The following AKAP7 variants were observed in gnomAD, a reference collection of about 807,000 sequenced individuals.
AKAP7 encodes A kinase (PRKA) anchor protein 7.
AKAP7 carries 39 observed loss-of-function variants against 39.5 expected under a neutral mutation model. That is an observed-to-expected ratio of 0.99 (90% confidence interval 0.76 to 1.29). The LOEUF (loss-of-function observed/expected upper bound fraction) is 1.29, where lower values mean the gene tolerates loss of function less well. AKAP7 is among the 50% of genes most tolerant of loss of function. The pLI is 0.00. For missense variants in AKAP7, 414 were observed against 407.7 expected, an observed-to-expected ratio of 1.02 and a Z score of -0.13; for synonymous variants, 140 against 139.1, an observed-to-expected ratio of 1.01 and a Z score of -0.05.
rs749601887 is a variant in AKAP7 at position 131,241,577 on chromosome 6, A to ATGTGTGTGTG, written c.850+21811_850+21820dup. ...GAGGTCCAGGACATAGATTATATATATGTGTGTGTGTGTGTGTGTGTGTGT... is the reference window on the plus strand; with the variant it reads ...GAGGTCCAGGACATAGATTATATATATGTGTGTGTGTGTGTGTGTGTGTGTGTGTGTGTGT... On this transcript the variant is annotated intron_variant, in intron 7 of 7. Transcript: ENST00000431975. 3.1e-3 allele frequency among the ~76,000 whole-genome samples: 251 copies of ATGTGTGTGTG among 81,262 alleles called. 2 individuals carry two copies. The highest frequency in any genetic ancestry group is 5.3e-3 in the Middle Eastern group (1 of 188). The allele number at this position is 81,262 out of a possible 152,430, so 53.3% of individuals were successfully genotyped here.
chr6:131,236,819 G>A (rs1021715541), intron 7 of AKAP7, among the ~76,000 whole-genome samples: 4 of 152,104 alleles, frequency 2.6e-5, no homozygotes, highest in African/African-American at 4.8e-5. Context: ...AGACGATGGC[G>A]TTTTCTAGAT....
At chr6:131,126,594 T>C in the AKAP7 span, among the ~76,000 whole-genome samples, 30,282 of 152,146 alleles carry the variant, frequency 0.2, 3,512 homozygotes, top group Non-Finnish European at 0.26. Flanking sequence ...AACTCCTGCA[T>C]ACTAGACTTT....
In AKAP7 at chr6:131,281,476, A is replaced by G. The variant is rs533526787; in HGVS notation, c.851-54A>G. ...GGAACTAGCCGGCCCCTGCATGCCA[A>G]GTTTCTATGGCAATGTGATCTCAGT... On this transcript the variant is annotated intron_variant, in intron 7 of 7. Coordinates refer to ENST00000431975, the MANE Select transcript of AKAP7 (RefSeq NM_016377.4). This position sits in a 1 kb window ranked among gnomAD's most constrained non-coding sequence, Gnocchi z 4.0. 30 of 1,423,392 alleles carry G rather than the reference A, an allele frequency of 2.1e-5. No homozygotes were observed. Among genetic ancestry groups the G allele is most frequent in the Non-Finnish European group, 2.6e-5 (28 of 1,062,470 alleles). The allele number at this position is 1,423,392 out of a possible 1,614,324, so 88.2% of individuals were successfully genotyped here.
chr6:131,141,014 G>T (rs78243378), intron 1 of AKAP7, among the ~76,000 whole-genome samples: 9,841 of 152,216 alleles, frequency 0.065, 451 homozygotes, highest in Middle Eastern at 0.15. Context: ...AATTTGAACT[G>T]TAATATAAAT....
At chr6:131,130,294 G>A in the AKAP7 span, among the ~76,000 whole-genome samples, 1 of 152,130 alleles carries the variant, frequency 6.6e-6, no homozygotes, top group African/African-American at 2.4e-5. Flanking sequence ...TAATGTGTAG[G>A]GAGAAGTTGT....
chr6:131,209,997 T>A (rs895553164), intron 6 of AKAP7, among the ~76,000 whole-genome samples: 2 of 152,234 alleles, frequency 1.3e-5, no homozygotes, highest in Admixed American at 6.5e-5. Context: ...CAGCTGGAAT[T>A]ATTTGGATGG....
chr6:131,225,499 T>G (rs1585126726), intron 7 of AKAP7, among the ~76,000 whole-genome samples: 1 of 152,182 alleles, frequency 6.6e-6, no homozygotes, highest in Admixed American at 6.5e-5. Context: ...ATTTTCCAGG[T>G]ATTATGTTGC....
At chr6:131,264,673 G>A (rs1813634212) in intron 7 of AKAP7, among the ~76,000 whole-genome samples, 1 of 152,140 alleles carries the variant, frequency 6.6e-6, no homozygotes, top group Admixed American at 6.5e-5. Flanking sequence ...GGCCATTTTT[G>A]TGTTGCCATC....
chr6:131,218,135 G>T (rs897323538), intron 6 of AKAP7, among the ~76,000 whole-genome samples: 33 of 152,182 alleles, frequency 2.2e-4, no homozygotes, highest in African/African-American at 8.0e-4. Flanking sequence ...TTGAGGTAAG[G>T]GGGAGAGATT....
At chr6:131,199,246 G>A (rs1039548447) in intron 5 of AKAP7, among the ~76,000 whole-genome samples, 2 of 152,198 alleles carry the variant, frequency 1.3e-5, no homozygotes, top group Non-Finnish European at 2.9e-5. Context: ...TACCACAGGT[G>A]TGAAATCACT....
intron 3 of AKAP7, among the ~76,000 whole-genome samples, chr6:131,163,253 A>C (rs1803163880): frequency 6.6e-6 from 1 of 152,240 alleles, no homozygotes; most frequent in South Asian, 2.1e-4. Flanking sequence ...TTAATCACTT[A>C]GAAAGCTTAC....
At chr6:131,168,813 AGTT>A (rs963228037) in intron 4 of AKAP7, among the ~76,000 whole-genome samples, 3 of 152,150 alleles carry the variant, frequency 2.0e-5, no homozygotes, top group African/African-American at 4.8e-5. Flanking sequence ...TAATTTTTTG[AGTT>A]GTTCATATAA....
chr6:131,279,373 A>G (rs1247212539), intron 7 of AKAP7, among the ~76,000 whole-genome samples: 1 of 152,044 alleles, frequency 6.6e-6, no homozygotes, highest in African/African-American at 2.4e-5. Context: ...AGTTCAAGTG[A>G]TTCTCCTGCC....
intron 7 of AKAP7, among the ~76,000 whole-genome samples, chr6:131,264,208 C>A (rs898007503): frequency 1.3e-5 from 2 of 152,108 alleles, no homozygotes; most frequent in African/African-American, 4.8e-5. Context: ...TGGATGATTG[C>A]GACGTTTACC....
intron 1 of AKAP7, among the ~76,000 whole-genome samples, chr6:131,139,656 ACTTAC>A (rs1800858847): frequency 6.6e-6 from 1 of 152,200 alleles, no homozygotes; most frequent in South Asian, 2.1e-4. Flanking sequence ...TCAAATGTGG[ACTTAC>A]CTTTATCACA....
intron 7 of AKAP7, among the ~76,000 whole-genome samples, chr6:131,277,778 A>G (rs535571346): frequency 6.6e-6 from 1 of 152,308 alleles, no homozygotes; most frequent in East Asian, 1.9e-4. Context: ...GTCTGAGGAT[A>G]CTTTGTGGAA....
chr6:131,165,245 A>G (rs1052224075), intron 4 of AKAP7, 28 bp downstream of exon 4: 5 of 1,548,636 alleles, frequency 3.2e-6, no homozygotes, highest in Non-Finnish European at 4.4e-6. Context: ...CTTAAATATA[A>G]TTTTCCAAAT....
intron 5 of AKAP7, among the ~76,000 whole-genome samples, chr6:131,182,277 A>G (rs989031104): frequency 1.3e-5 from 2 of 152,006 alleles, no homozygotes; most frequent in Non-Finnish European, 2.9e-5. Flanking sequence ...CAAAATGGAA[A>G]CTCCATACCC....
chr6:131,175,548 G>A (rs1034724750), intron 5 of AKAP7, among the ~76,000 whole-genome samples: 11 of 152,168 alleles, frequency 7.2e-5, no homozygotes, highest in Non-Finnish European at 1.6e-4. Flanking sequence ...GTGTAAAATT[G>A]AAGAAAATTA....
Sources: gnomAD v4.1 joint callset for allele counts (sites outside exome capture counted in the v4.1 genomes callset) on GRCh38, gnomAD v4.1.1 for gene constraint, Gnocchi (gnomAD v3.1) non-coding constraint, MANE v1.5 for transcripts, NCBI Gene and HGNC (gene_info 2026-07-23, HGNC 2026-07-21) for gene names.